The following GMEB1 variants were observed in gnomAD, a reference collection of about 807,000 sequenced individuals.
GMEB1 encodes the protein glucocorticoid modulatory element binding protein 1, also known as glucocorticoid modulatory element-binding protein 1.
A neutral mutation model predicts 52.4 loss-of-function variants in GMEB1; 6 were observed. That is an observed-to-expected ratio of 0.11 (90% CI 0.06 to 0.23). The LOEUF (loss-of-function observed/expected upper bound fraction) is 0.23, where lower values mean the gene tolerates loss of function less well. GMEB1 is among the 10% of genes least tolerant of loss of function. The pLI is 1.00. For synonymous variants in GMEB1, 255 were observed against 244.9 expected, an observed-to-expected ratio of 1.04 and a Z score of -0.38; for missense variants, 486 against 685.6, an observed-to-expected ratio of 0.71 and a Z score of 3.25.
At chr1:28,702,910 C>G (rs1257306144) in intron 7 of GMEB1, among the ~76,000 whole-genome samples, 1 of 152,008 alleles carries the variant, frequency 6.6e-6, no homozygotes, top group South Asian at 2.1e-4. Context: ...AAAAAATTAG[C>G]CGGGCGTGGT....
chr1:28,668,592 C>T (rs1424036981), upstream of GMEB1: 1 of 152,750 alleles, frequency 6.5e-6, no homozygotes, highest in Non-Finnish European at 1.5e-5. Context: ...ACCTTTCCAA[C>T]ACTGATTTTC....
intron 1 of GMEB1, among the ~76,000 whole-genome samples, chr1:28,671,278 A>AT (rs889433104): frequency 5.9e-5 from 9 of 151,924 alleles, no homozygotes; most frequent in Non-Finnish European, 1.0e-4. Context: ...TTTTTATTTT[A>AT]TTTTTTTGGG....
rs1350007951 is a variant in GMEB1 at position 28,718,771 on chromosome 1, A to C, written c.*3998A>C. The C allele has an allele frequency of 3.3e-5, 5 of 152,146 alleles. No individual in the cohort carries two copies. The highest frequency in any genetic ancestry group is 5.9e-5 in the Non-Finnish European group (4 of 68,030). The allele number at this position is 152,146 out of a possible 1,614,324, so 9.4% of individuals were successfully genotyped here. A position where few individuals can be genotyped will look rare whatever the true frequency, so the allele number is the denominator to read the frequency against. On this transcript the variant is annotated 3_prime_UTR_variant, in exon 10 of 10. Coordinates refer to ENST00000373816, the MANE Select transcript of GMEB1 (RefSeq NM_001319674.2). ...GGTACTGAAACAGATCCTACTGCGT[A>C]AGTGCTGTGTGTGATAGGGCTATTG...
intron 6 of GMEB1, among the ~76,000 whole-genome samples, chr1:28,700,210 A>C (rs1490007235): frequency 1.3e-5 from 2 of 151,578 alleles, no homozygotes; most frequent in East Asian, 3.9e-4. Context: ...TCTACTAAAA[A>C]TATAAAAATT....
At chr1:28,690,738 T>C (rs1392007590) in intron 3 of GMEB1, among the ~76,000 whole-genome samples, 2 of 152,134 alleles carry the variant, frequency 1.3e-5, no homozygotes, top group Non-Finnish European at 2.9e-5. Context: ...CCCAACACTT[T>C]GGGAGGCTGA....
intron 1 of GMEB1, among the ~76,000 whole-genome samples, chr1:28,674,349 A>G (rs1669041644): frequency 6.6e-6 from 1 of 151,824 alleles, no homozygotes; most frequent in South Asian, 2.1e-4. Context: ...AAAAAACAAA[A>G]CGAAAGAAAA....
chr1:28,680,398 C>T (rs1331921852), intron 1 of GMEB1, among the ~76,000 whole-genome samples: 1 of 152,056 alleles, frequency 6.6e-6, no homozygotes, highest in Non-Finnish European at 1.5e-5. Context: ...TTATTACACT[C>T]CTGTCCTGGG....
At chr1:28,669,884 C>G (rs1668803013) in intron 1 of GMEB1, among the ~76,000 whole-genome samples, 1 of 152,146 alleles carries the variant, frequency 6.6e-6, no homozygotes, top group African/African-American at 2.4e-5. Context: ...AAATCTCAAC[C>G]CGAGGGTCTT....
intron 9 of GMEB1, among the ~76,000 whole-genome samples, chr1:28,713,433 C>T (rs928310641): frequency 6.6e-6 from 1 of 152,146 alleles, no homozygotes; most frequent in African/African-American, 2.4e-5. Flanking sequence ...TACTATAATG[C>T]AAAAGCAACC....
In GMEB1 at chr1:28,697,193, A is replaced by G. The variant is rs867971917; in HGVS notation, c.598+109A>G. 3.3e-3 allele frequency: 502 copies of G among 151,106 alleles called. 18 individuals are homozygous for G. The highest frequency in any genetic ancestry group is 0.014 in the African/African-American group (477 of 33,264). The allele number at this position is 151,106 out of a possible 1,614,324, so 9.4% of individuals were successfully genotyped here. ...TATATATATATATATATATATATAT[A>G]TATATATGTATTTTTTTATTTTAAT... On this transcript the variant is annotated intron_variant, in intron 6 of 9. Transcript: ENST00000373816.
chr1:28,690,717 A>T (rs941744502), intron 3 of GMEB1, among the ~76,000 whole-genome samples: 2 of 152,218 alleles, frequency 1.3e-5, no homozygotes, highest in African/African-American at 4.8e-5. Flanking sequence ...GCAGTGGCTC[A>T]CGCCTGTAAT....
At chr1:28,712,877 G>A (rs555127337) in intron 9 of GMEB1, among the ~76,000 whole-genome samples, 1 of 151,466 alleles carries the variant, frequency 6.6e-6, no homozygotes, top group African/African-American at 2.4e-5. Flanking sequence ...GCTGGGCCGG[G>A]CATGGTGGCT....
intron 1 of GMEB1, among the ~76,000 whole-genome samples, chr1:28,681,733 G>A (rs1669397324): frequency 6.6e-6 from 1 of 151,882 alleles, no homozygotes; most frequent in Non-Finnish European, 1.5e-5. Flanking sequence ...ACGGAGTTTC[G>A]CTCTTGTTGC....
intron 8 of GMEB1, among the ~76,000 whole-genome samples, chr1:28,705,663 CT>C (rs1194651956): frequency 1.3e-5 from 2 of 150,344 alleles, no homozygotes; most frequent in Non-Finnish European, 3.0e-5. Flanking sequence ...GTTGGCCAGG[CT>C]GGTCTCAAAC....
chr1:28,683,815 T>C, intron 2 of GMEB1, 75 bp downstream of exon 2: 4 of 1,406,768 alleles, frequency 2.8e-6, no homozygotes, highest in Non-Finnish European at 4.0e-6. Context: ...AACTTTATGG[T>C]TGCTTAGCAC....
intron 5 of GMEB1, among the ~76,000 whole-genome samples, chr1:28,695,734 C>T (rs1343699474): frequency 6.8e-6 from 1 of 146,690 alleles, no homozygotes; most frequent in Non-Finnish European, 1.5e-5. Flanking sequence ...GTCAGGAGAT[C>T]GAGACCATCC....
intron 1 of GMEB1, among the ~76,000 whole-genome samples, chr1:28,679,062 A>C (rs1669282014): frequency 6.7e-6 from 1 of 150,164 alleles, no homozygotes; most frequent in African/African-American, 2.5e-5. Context: ...TAATTTTTGT[A>C]TTTTTAGCAG....
At position 28,704,281 on chromosome 1, in the gene GMEB1, C is replaced by T. The variant is rs867114464; in HGVS notation, c.820C>T (p.Leu274Phe). ...CNIQKEIEEL[L>F]RGVQQRLIQA... ...TATACAGAAGGAAATAGAGGAGCTA[C>T]TCAGGGGAGTTCAGCAGCGGCTCAT... Residue 274 changes from leucine to phenylalanine, a missense_variant, in exon 8 of 10, where the codon CTC becomes TTC. Leu to Phe is a conservative substitution (Grantham distance 22, BLOSUM62 0). Coordinates refer to ENST00000373816, the MANE Select transcript of GMEB1 (RefSeq NM_001319674.2). 6.2e-7 allele frequency: 1 copy of T among 1,613,736 alleles called. No individual in the cohort carries two copies. Among genetic ancestry groups the T allele is most frequent in the Middle Eastern group, 1.7e-4 (1 of 6,054 alleles).
At chr1:28,709,379 A>G (rs527485884) in intron 8 of GMEB1, among the ~76,000 whole-genome samples, 1 of 152,124 alleles carries the variant, frequency 6.6e-6, no homozygotes, top group Non-Finnish European at 1.5e-5. Flanking sequence ...ATATATTTCT[A>G]ATCTTCATGT....
Sources: gnomAD v4.1 joint callset for allele counts (sites outside exome capture counted in the v4.1 genomes callset) on GRCh38, gnomAD v4.1.1 for gene constraint, MANE v1.5 for transcripts, NCBI Gene and HGNC (gene_info 2026-07-23, HGNC 2026-07-21) for gene names.